The following FCHSD2 variants were observed in gnomAD, a reference collection of about 807,000 sequenced individuals.
FCHSD2 encodes the protein F-BAR and double SH3 domains protein 2.
A neutral mutation model predicts 108.1 loss-of-function variants in FCHSD2; 38 were observed. The ratio of observed to expected loss-of-function variants is 0.35; its 90% CI spans 0.27 to 0.46. The LOEUF (loss-of-function observed/expected upper bound fraction) is 0.46. Ranked by LOEUF, FCHSD2 falls within the 20% of genes least tolerant of loss-of-function variation. The pLI, the probability that FCHSD2 is intolerant of heterozygous loss-of-function variation, is 1.00. For missense variants in FCHSD2, 751 were observed against 897.8 expected (o/e 0.84, Z 2.09); for synonymous variants, 279 against 314.7 (o/e 0.89, Z 1.20).
intron 3 of FCHSD2, among the ~76,000 whole-genome samples, chr11:73,033,813 G>C (rs1349772514): frequency 6.6e-6 from 1 of 152,152 alleles, no homozygotes; most frequent in Non-Finnish European, 1.5e-5. Flanking sequence ...AGCTAACTAG[G>C]TTAAGTAGGT....
At chr11:72,909,237 C>T (rs1855697599) in intron 9 of FCHSD2, among the ~76,000 whole-genome samples, 1 of 151,992 alleles carries the variant, frequency 6.6e-6, no homozygotes, top group African/African-American at 2.4e-5. Flanking sequence ...GGGTTTCGCC[C>T]TGTTGACCGG....
In FCHSD2 at chr11:72,989,613, A is replaced by G. The variant is rs1031974871; in HGVS notation, c.388-516T>C. 4.6e-5 allele frequency among the ~76,000 whole-genome samples: 7 copies of G among 152,324 alleles called. No homozygotes were observed. In the East Asian group the frequency reaches 7.7e-4, roughly 17 times the overall value. On this transcript the variant is annotated intron_variant, in intron 5 of 19. Coordinates refer to ENST00000409418, the MANE Select transcript of FCHSD2 (RefSeq NM_014824.3). ...GAGAAGCACGAAACCTGGGTACCACATAACAATTATTACTCAAAACCATCC... is the reference window on the plus strand; with the variant it reads ...GAGAAGCACGAAACCTGGGTACCACGTAACAATTATTACTCAAAACCATCC...
chr11:73,053,328 A>C (rs1858946530), intron 3 of FCHSD2, among the ~76,000 whole-genome samples: 1 of 152,140 alleles, frequency 6.6e-6, no homozygotes, highest in Non-Finnish European at 1.5e-5. Flanking sequence ...TCATTGAGAG[A>C]TAATTTAAAT....
intron 13 of FCHSD2, among the ~76,000 whole-genome samples, 172 bp from the exon 14 acceptor site, chr11:72,850,061 T>C (rs1026981069): frequency 5.0e-3 from 9 of 1,784 alleles, no homozygotes; most frequent in African/African-American, 7.1e-3. Flanking sequence ...AATAGAGTTT[T>C]TTTTTTTTTT....
chr11:73,087,508 C>T (rs1859848391), intron 2 of FCHSD2, among the ~76,000 whole-genome samples: 1 of 151,906 alleles, frequency 6.6e-6, no homozygotes, highest in African/African-American at 2.4e-5. Context: ...GAGTTTGAGA[C>T]CAGTCTGCCA....
In FCHSD2 at chr11:73,034,709, C is replaced by T. The variant is rs181427267; in HGVS notation, c.166-18824G>A. Among the ~76,000 whole-genome samples, 43 of 152,286 alleles carry T rather than the reference C, an allele frequency of 2.8e-4. 1 individual carries two copies. In the East Asian group the frequency reaches 7.7e-3, roughly 27 times the overall value. ...CCCAATTTTTTTCAACTTCAATAAA[C>T]TTATTTGCACAAAATGACCTGCAAA... On this transcript the variant is annotated intron_variant, in intron 3 of 19. Transcript: ENST00000409418.
intron 11 of FCHSD2, 114 bp downstream of exon 11, chr11:72,889,715 A>T (rs1190804229): frequency 1.5e-6 from 1 of 657,572 alleles, no homozygotes; most frequent in African/African-American, 1.8e-5. Context: ...TCTTGTCTCA[A>T]ATAAAACAAA....
At chr11:72,868,537 A>C (rs1854781102) in intron 12 of FCHSD2, among the ~76,000 whole-genome samples, 1 of 152,106 alleles carries the variant, frequency 6.6e-6, no homozygotes, top group Non-Finnish European at 1.5e-5. Flanking sequence ...AAGTTGAAAA[A>C]AAAATTAGCT....
At chr11:72,981,840 G>A (rs1857221163) in intron 8 of FCHSD2, among the ~76,000 whole-genome samples, 1 of 152,198 alleles carries the variant, frequency 6.6e-6, no homozygotes, top group African/African-American at 2.4e-5. Flanking sequence ...AATTAGCTGG[G>A]TATGGTGGCA....
chr11:72,936,719 A>G (rs940614650), intron 8 of FCHSD2, among the ~76,000 whole-genome samples: 1 of 152,204 alleles, frequency 6.6e-6, no homozygotes, highest in Non-Finnish European at 1.5e-5. Context: ...CTTATAGTAT[A>G]TCTTTACTTC....
chr11:72,927,833 T>C (rs1329425658), intron 8 of FCHSD2, among the ~76,000 whole-genome samples: 3 of 152,208 alleles, frequency 2.0e-5, no homozygotes, highest in Non-Finnish European at 2.9e-5. Context: ...TAGGTACTGT[T>C]ACTGTAGATG....
chr11:72,903,564 T>C (rs1389147882), intron 9 of FCHSD2, among the ~76,000 whole-genome samples: 3 of 151,762 alleles, frequency 2.0e-5, no homozygotes, highest in Admixed American at 6.6e-5. Context: ...GCATAACAAA[T>C]AGCACAGAAA....
intron 8 of FCHSD2, among the ~76,000 whole-genome samples, chr11:72,949,664 A>G (rs2135354833): frequency 6.6e-6 from 1 of 152,262 alleles, no homozygotes; most frequent in East Asian, 1.9e-4. Flanking sequence ...CACTTAACAC[A>G]ATGTTTTCAA....
At chr11:73,115,220 A>G (rs950142238) in intron 2 of FCHSD2, among the ~76,000 whole-genome samples, 1 of 152,186 alleles carries the variant, frequency 6.6e-6, no homozygotes, top group Non-Finnish European at 1.5e-5. Context: ...ACTGAGTTCA[A>G]TGGAGGGTCT....
At chr11:73,070,953 T>G (rs1277532764) in intron 3 of FCHSD2, among the ~76,000 whole-genome samples, 1 of 152,178 alleles carries the variant, frequency 6.6e-6, no homozygotes, top group Non-Finnish European at 1.5e-5. Flanking sequence ...AAGCAGAAGT[T>G]GCAAACTGGC....
rs1446108002 is a variant in FCHSD2, at chr11:72,866,581, G to A, written c.1308+1284C>T. 2.0e-5 allele frequency among the ~76,000 whole-genome samples: 3 copies of A among 152,110 alleles called. No homozygotes were observed. The East Asian group carries it at 5.8e-4, about 29-fold the overall frequency. On this transcript the variant is annotated intron_variant, in intron 13 of 19. Transcript: ENST00000409418. Reference sequence around the variant, plus strand: ...CACCATGCACGGCCAGAGCAACTCTGTTCTAATAACAACTGGGGAAGTGCT... The same window carrying A: ...CACCATGCACGGCCAGAGCAACTCTATTCTAATAACAACTGGGGAAGTGCT...
At chr11:73,109,790 A>G (rs1291075539) in intron 2 of FCHSD2, among the ~76,000 whole-genome samples, 3 of 152,220 alleles carry the variant, frequency 2.0e-5, no homozygotes, top group Non-Finnish European at 4.4e-5. Flanking sequence ...CTTAGAGGAA[A>G]GGCTTTCAGT....
intron 9 of FCHSD2, among the ~76,000 whole-genome samples, chr11:72,917,176 G>A (rs10751224): frequency 0.99 from 150,725 of 152,116 alleles, 74,673 homozygotes; most frequent in East Asian, 1. Flanking sequence ...GTAGAGATGA[G>A]GTTTCACCAT....
chr11:73,095,600 T>C (rs1472630055), intron 2 of FCHSD2, among the ~76,000 whole-genome samples: 1 of 152,060 alleles, frequency 6.6e-6, no homozygotes, highest in African/African-American at 2.4e-5. Flanking sequence ...GAGAGACAAC[T>C]TGGAATAAGA....
Sources: allele counts gnomAD v4.1 joint callset (sites outside exome capture counted in the v4.1 genomes callset), GRCh38; gene constraint gnomAD v4.1.1; transcripts MANE v1.5; gene names NCBI Gene and HGNC (gene_info 2026-07-23, HGNC 2026-07-21).